The following KIF2A variants were observed in gnomAD, a reference collection of about 807,000 sequenced individuals.
KIF2A encodes the protein kinesin-like protein KIF2A.
KIF2A carries 22 observed loss-of-function variants against 100.2 expected under a neutral mutation model. That is an observed-to-expected ratio of 0.22 (90% CI 0.16 to 0.31). KIF2A has a LOEUF of 0.31. Ranked by LOEUF, KIF2A falls within the 10% of genes least tolerant of loss-of-function variation. The pLI is 1.00. For missense variants in KIF2A, 495 were observed against 898.7 expected (o/e 0.55, Z 5.74); for synonymous variants, 268 against 285.9 (o/e 0.94, Z 0.63).
chr5:62,347,689 G>T (rs921058576), intron 2 of KIF2A, among the ~76,000 whole-genome samples: 2 of 151,880 alleles, frequency 1.3e-5, no homozygotes, highest in Non-Finnish European at 2.9e-5. Flanking sequence ...GCAGTGTCAT[G>T]ATCATGGCTT....
At chr5:62,361,000 T>C (rs1434165561) in intron 9 of KIF2A, among the ~76,000 whole-genome samples, 1 of 152,204 alleles carries the variant, frequency 6.6e-6, no homozygotes. Context: ...ATTGTGACCA[T>C]TATTTATTAT....
chr5:62,389,741 T>C lies in KIF2A; in HGVS notation c.*4172T>C, dbSNP rs1489208911. Among the ~76,000 whole-genome samples the C allele has an allele frequency of 1.3e-5, 2 of 152,186 alleles. No individual in the cohort carries two copies. The highest frequency in any genetic ancestry group is 2.4e-5 in the African/African-American group (1 of 41,444). On this transcript the variant is annotated 3_prime_UTR_variant, in exon 21 of 21. Coordinates refer to ENST00000407818, the MANE Select transcript of KIF2A (RefSeq NM_001098511.3). ...TCTTACATGCCCCTTCTTCCTCTCT[T>C]GAGCTGTTGTTTATATTCAAATTAA...
rs1742043243 is a variant in KIF2A at position 62,386,701 on chromosome 5, A to G, written c.*1132A>G. 6.6e-6 allele frequency among the ~76,000 whole-genome samples: 1 copy of G among 152,238 alleles called. No individual in the cohort carries two copies. The highest frequency in any genetic ancestry group is 2.1e-4 in the South Asian group (1 of 4,838). ...AAAAGGCAGATCTAACCCAAGCTCC[A>G]TCCAGTACCAAATGTGAAACTTCAT... is the stretch of plus-strand genomic sequence containing the variant. On this transcript the variant is annotated 3_prime_UTR_variant, in exon 21 of 21. Coordinates refer to ENST00000407818, the MANE Select transcript of KIF2A (RefSeq NM_001098511.3).
intron 2 of KIF2A, 24 bp downstream of exon 2, chr5:62,347,248 A>T: frequency 2.4e-6 from 3 of 1,238,484 alleles, no homozygotes; most frequent in Non-Finnish European, 3.5e-6. Flanking sequence ...GTTTAATTTT[A>T]TTCCTAGTCC....
At chr5:62,353,912 G>A (rs1747975955) in intron 6 of KIF2A, among the ~76,000 whole-genome samples, 1 of 151,960 alleles carries the variant, frequency 6.6e-6, no homozygotes, top group East Asian at 1.9e-4. Context: ...AAATTGCATA[G>A]AAAACTGGTC....
At chr5:62,360,406 C>T (rs534275159) in intron 9 of KIF2A, among the ~76,000 whole-genome samples, 21 of 151,520 alleles carry the variant, frequency 1.4e-4, no homozygotes, top group Admixed American at 1.2e-3. Flanking sequence ...AATTCAAGGC[C>T]GGGTGCGGTG....
At chr5:62,307,824 A>G (rs542055740) in intron 1 of KIF2A, among the ~76,000 whole-genome samples, 7 of 151,960 alleles carry the variant, frequency 4.6e-5, no homozygotes, top group African/African-American at 1.4e-4. Context: ...CACCATGTTG[A>G]CAAGGCTGGT....
chr5:62,370,634 A>G (rs1246055619), intron 16 of KIF2A, among the ~76,000 whole-genome samples: 2 of 152,114 alleles, frequency 1.3e-5, no homozygotes, highest in Non-Finnish European at 2.9e-5. Context: ...TACAAGGGAA[A>G]ACTTTCAGAG....
chr5:62,337,930 A>G (rs570486919), intron 1 of KIF2A, among the ~76,000 whole-genome samples: 3 of 152,278 alleles, frequency 2.0e-5, no homozygotes, highest in South Asian at 4.1e-4. Context: ...GAATCCCAAT[A>G]GGTAGTGTTT....
chr5:62,374,808 T>C (rs1580095834), intron 18 of KIF2A, among the ~76,000 whole-genome samples: 2 of 152,208 alleles, frequency 1.3e-5, no homozygotes, highest in African/African-American at 4.8e-5. Context: ...ACGCCTGTAG[T>C]CCCAGCTACT....
At chr5:62,362,656 C>A in intron 12 of KIF2A, 115 bp downstream of exon 12, 1 of 403,592 alleles carries the variant, frequency 2.5e-6, no homozygotes, top group South Asian at 7.3e-5. Context: ...TGTTGTGCAG[C>A]GTTTACCACC....
At position 62,361,351 on chromosome 5, in the gene KIF2A, T is replaced by A. The variant is rs1161812015; in HGVS notation, c.963+19T>A. On this transcript the variant is annotated intron_variant, in intron 10 of 20. Transcript: ENST00000407818. Reference sequence around the variant, plus strand: ...AACTCATGTAAGTAATTTATTAAAGTTACATTCTGGTACGAAGCTACAGTT... The same window carrying A: ...AACTCATGTAAGTAATTTATTAAAGATACATTCTGGTACGAAGCTACAGTT... The A allele has an allele frequency of 6.4e-7, 1 of 1,555,310 alleles. No homozygotes were observed. The highest frequency in any genetic ancestry group is 1.4e-5 in the African/African-American group (1 of 73,782).
intron 4 of KIF2A, among the ~76,000 whole-genome samples, chr5:62,350,786 C>T (rs1047569452): frequency 2.6e-5 from 4 of 151,844 alleles, no homozygotes; most frequent in Non-Finnish European, 5.9e-5. Flanking sequence ...GGTGGCAGTG[C>T]CTGTAATCCC....
chr5:62,365,457 T>C (rs901447455), intron 15 of KIF2A, 104 bp downstream of exon 15: 8 of 615,510 alleles, frequency 1.3e-5, no homozygotes, highest in African/African-American at 1.9e-5. Flanking sequence ...TTTGAATCCT[T>C]CTATTTTGAG....
intron 1 of KIF2A, among the ~76,000 whole-genome samples, chr5:62,307,872 C>T (rs1300542773): frequency 1.3e-5 from 2 of 152,146 alleles, no homozygotes; most frequent in African/African-American, 4.8e-5. Flanking sequence ...CCTGCCTCGG[C>T]CTCCCAATGT....
Position 62,381,273 on chromosome 5 carries a change from A to C in KIF2A, c.2149+20A>C. On this transcript the variant is annotated intron_variant, in intron 20 of 20. Transcript: ENST00000407818. Reference sequence around the variant, plus strand: ...TGCGGGGTAATTCTTTTTCCATTTTAATGTTTGAAATCTGATTGGTATTGG... The same window carrying C: ...TGCGGGGTAATTCTTTTTCCATTTTCATGTTTGAAATCTGATTGGTATTGG... The C allele has an allele frequency of 6.2e-7, 1 of 1,605,676 alleles. No individual in the cohort carries two copies. The highest frequency in any genetic ancestry group is 8.5e-7 in the Non-Finnish European group (1 of 1,173,158).
chr5:62,309,320 A>G (rs1490716106), intron 1 of KIF2A, among the ~76,000 whole-genome samples: 2 of 152,238 alleles, frequency 1.3e-5, no homozygotes, highest in Non-Finnish European at 2.9e-5. Context: ...TAGGGAAGTC[A>G]TCACAGTGTG....
At position 62,389,894 on chromosome 5, in the gene KIF2A, C is replaced by T. The variant is rs1742220960; in HGVS notation, c.*4325C>T. Among the ~76,000 whole-genome samples the T allele has an allele frequency of 6.6e-6, 1 of 152,112 alleles. No homozygotes were observed. The highest frequency in any genetic ancestry group is 6.5e-5 in the Admixed American group (1 of 15,274). On this transcript the variant is annotated 3_prime_UTR_variant, in exon 21 of 21. Coordinates refer to ENST00000407818, the MANE Select transcript of KIF2A (RefSeq NM_001098511.3). ...AAAAGAGAAAATATTTCTCTTTAGACCTGAGGTTATGTTTAGGCTGGCCCA... is the reference window on the plus strand; with the variant it reads ...AAAAGAGAAAATATTTCTCTTTAGATCTGAGGTTATGTTTAGGCTGGCCCA...
rs1742230192 is a variant in KIF2A at position 62,390,002 on chromosome 5, A to G, written c.*4433A>G. The stretch of plus-strand genomic sequence containing the variant: ...TCAATGCCTAGGATTAACATCTAAA[A>G]TGACTCAGTAGTACTGCTAGCCAGC... On this transcript the variant is annotated 3_prime_UTR_variant, in exon 21 of 21. Coordinates refer to ENST00000407818, the MANE Select transcript of KIF2A (RefSeq NM_001098511.3). Among the ~76,000 whole-genome samples, 1 of 152,246 alleles carries G rather than the reference A, an allele frequency of 6.6e-6. No individual in the cohort carries two copies. Among genetic ancestry groups the G allele is most frequent in the African/African-American group, 2.4e-5 (1 of 41,472 alleles).
Sources: gnomAD v4.1 joint callset for allele counts (sites outside exome capture counted in the v4.1 genomes callset) on GRCh38, gnomAD v4.1.1 for gene constraint, MANE v1.5 for transcripts, NCBI Gene and HGNC (gene_info 2026-07-23, HGNC 2026-07-21) for gene names.